The following AZIN2 variants were observed in gnomAD, a reference collection of about 807,000 sequenced individuals.
AZIN2 encodes ODC antizyme inhibitor-2.
A neutral mutation model predicts 47.8 loss-of-function variants in AZIN2; 28 were observed. That is an observed-to-expected ratio of 0.59 (90% CI 0.43 to 0.80). The LOEUF (loss-of-function observed/expected upper bound fraction) is 0.80, where lower values mean the gene tolerates loss of function less well. Ranked by LOEUF, AZIN2 falls within the 30% of genes least tolerant of loss-of-function variation. The probability of loss-of-function intolerance (pLI) is 0.00; values close to 1 mark genes in which losing one functional copy is unlikely to be tolerated. For synonymous variants in AZIN2, 221 were observed against 239.4 expected (o/e 0.92, Z 0.71); for missense variants, 535 against 582.5 (o/e 0.92, Z 0.84).
the AZIN2 span, among the ~76,000 whole-genome samples, chr1:33,157,544 T>C: frequency 6.6e-6 from 1 of 152,160 alleles, no homozygotes; most frequent in Admixed American, 6.5e-5. Flanking sequence ...TTTACTTTTG[T>C]CTACTTTCTA....
the AZIN2 span, among the ~76,000 whole-genome samples, chr1:33,150,649 G>T: frequency 3.3e-5 from 5 of 152,328 alleles, no homozygotes; most frequent in East Asian, 9.7e-4. Context: ...TCACCCTGTG[G>T]TCTGACTGGC....
At chr1:33,104,361 TATG>T (rs1447151610) in intron 10 of AZIN2, among the ~76,000 whole-genome samples, 3 of 152,230 alleles carry the variant, frequency 2.0e-5, no homozygotes, top group Non-Finnish European at 2.9e-5. Context: ...ATGTATTTAA[TATG>T]ATGTTTGATA....
chr1:33,083,890 C>T (rs753945714), intron 4 of AZIN2, 64 bp from the exon 5 acceptor site: 39 of 1,589,804 alleles, frequency 2.5e-5, no homozygotes, highest in Middle Eastern at 1.7e-4. Context: ...GGAAGGATCA[C>T]GGATGGCATG....
chr1:33,097,014 G>A lies in AZIN2; in HGVS notation c.916+145G>A, dbSNP rs1252214844. On this transcript the variant is annotated intron_variant, in intron 9 of 11. Transcript: ENST00000294517. ...GGTTCTTGCTTTAGGGAAACTTTCAGTCAAGTCGCCCCACCCCAAGACATT... is the reference window on the plus strand; with the variant it reads ...GGTTCTTGCTTTAGGGAAACTTTCAATCAAGTCGCCCCACCCCAAGACATT... 6 of 941,112 alleles carry A rather than the reference G, an allele frequency of 6.4e-6. No individual in the cohort carries two copies. The African/African-American group carries it at 8.2e-5, about 13-fold the overall frequency. 58.3% of individuals were successfully genotyped at this position (941,112 alleles called of 1,614,324 possible).
At chr1:33,159,728 G>A in the AZIN2 span, 635 of 1,611,946 alleles carry the variant, frequency 3.9e-4, 1 homozygote, top group Admixed American at 5.7e-4. This position sits in a 1 kb window ranked among gnomAD's most constrained non-coding sequence, Gnocchi z 4.2. Context: ...AAGGTGTGCC[G>A]GTCGGTTTCA....
At position 33,112,520 on chromosome 1, in the gene AZIN2, C is replaced by T. The variant is rs35092778; in HGVS notation, c.1030-5382C>T. ...TACATTGTTTAGGGTTAGGTACACT[C>T]ATGGAAAACAAAGTAAGAAAATGAT... On this transcript the variant is annotated intron_variant, in intron 10 of 11. Coordinates refer to ENST00000294517, the MANE Select transcript of AZIN2 (RefSeq NM_052998.4). Among the ~76,000 whole-genome samples the T allele has an allele frequency of 3.1e-3, 465 of 152,152 alleles. 1 individual carries two copies. The Middle Eastern group carries it at 0.065, about 21-fold the overall frequency.
chr1:33,092,267 TGGGCTGTGGGGAGC>T, intron 6 of AZIN2, 45 bp downstream of exon 6: 1 of 1,413,556 alleles, frequency 7.1e-7, no homozygotes, highest in Non-Finnish European at 9.5e-7. Context: ...GTGGGGAGCC[TGGGCTGTGGGGAGC>T]CTGGGCTGTG....
At chr1:33,100,593 A>G (rs1643606889) in intron 10 of AZIN2, among the ~76,000 whole-genome samples, 1 of 150,940 alleles carries the variant, frequency 6.6e-6, no homozygotes, top group Non-Finnish European at 1.5e-5. Flanking sequence ...GTGTGTGATT[A>G]GTATACAAGC....
chr1:33,160,150 C>A, the AZIN2 span, among the ~76,000 whole-genome samples: 149 of 152,194 alleles, frequency 9.8e-4, no homozygotes, highest in Non-Finnish European at 1.7e-3. Context: ...AATGAAATGG[C>A]CCAGGTGAGA....
chr1:33,116,799 C>T (rs1038210972), intron 10 of AZIN2, among the ~76,000 whole-genome samples: 2 of 152,132 alleles, frequency 1.3e-5, no homozygotes, highest in Non-Finnish European at 2.9e-5. Flanking sequence ...TAGGAATTTG[C>T]AAATTTGGGG....
the AZIN2 span, among the ~76,000 whole-genome samples, chr1:33,161,757 C>T: frequency 6.6e-6 from 1 of 152,164 alleles, no homozygotes; most frequent in African/African-American, 2.4e-5. This position sits in a 1 kb window ranked among gnomAD's most constrained non-coding sequence, Gnocchi z 4.3. Flanking sequence ...CGCCCAGACT[C>T]CGCAGCTACT....
chr1:33,149,119 G>A, the AZIN2 span, among the ~76,000 whole-genome samples: 108 of 152,232 alleles, frequency 7.1e-4, no homozygotes, highest in African/African-American at 2.2e-3. Flanking sequence ...AGATGTGCTC[G>A]TTCTGTCCTC....
intron 5 of AZIN2, among the ~76,000 whole-genome samples, chr1:33,088,629 A>G (rs570191430): frequency 6.6e-6 from 1 of 152,224 alleles, no homozygotes; most frequent in South Asian, 2.1e-4. Flanking sequence ...TCCTCACTGC[A>G]CTAACTTGCT....
intron 7 of AZIN2, 49 bp downstream of exon 7, chr1:33,093,465 C>T (rs1483132906): frequency 1.3e-6 from 2 of 1,594,288 alleles, no homozygotes; most frequent in Non-Finnish European, 8.5e-7. Flanking sequence ...GGCTCCCTGC[C>T]TCTTTCCCAG....
chr1:33,143,755 A>ACAGAAACAGAAAGC, the AZIN2 span, among the ~76,000 whole-genome samples: 11 of 152,152 alleles, frequency 7.2e-5, no homozygotes, highest in Non-Finnish European at 1.0e-4. Context: ...GAAAGCCAAC[A>ACAGAAACAGAAAGC]CCAGTCCTGG....
At chr1:33,123,879 C>T (rs1644837719), downstream of AZIN2, among the ~76,000 whole-genome samples, 2 of 152,262 alleles carry the variant, frequency 1.3e-5, no homozygotes, top group South Asian at 4.1e-4. Flanking sequence ...CACCTGTAAT[C>T]CTGGCTACTT....
chr1:33,124,103 T>A (rs1259429756), downstream of AZIN2, among the ~76,000 whole-genome samples: 1 of 151,846 alleles, frequency 6.6e-6, no homozygotes, highest in Non-Finnish European at 1.5e-5. The surrounding 1 kb of genome is among the most constrained non-coding windows in gnomAD (Gnocchi z 4.6). Context: ...GAGGCGGAGG[T>A]TGCATTGAGC....
At chr1:33,134,931 C>A in the AZIN2 span, among the ~76,000 whole-genome samples, 1 of 152,222 alleles carries the variant, frequency 6.6e-6, no homozygotes, top group African/African-American at 2.4e-5. Flanking sequence ...CGCTGGGTTC[C>A]CTCCCTGCCT....
At chr1:33,153,168 A>G in the AZIN2 span, among the ~76,000 whole-genome samples, 5 of 152,244 alleles carry the variant, frequency 3.3e-5, no homozygotes, top group South Asian at 1.0e-3. Context: ...GCTAGAATCC[A>G]TGGGCTAGGT....
Sources: allele counts gnomAD v4.1 joint callset (sites outside exome capture counted in the v4.1 genomes callset), GRCh38; gene constraint gnomAD v4.1.1; non-coding constraint Gnocchi (gnomAD v3.1); transcripts MANE v1.5; gene names NCBI Gene and HGNC (gene_info 2026-07-23, HGNC 2026-07-21).